Variants in MRGPRX2 observed in about 807,000 individuals in gnomAD.
MRGPRX2 encodes the protein mas-related G protein-coupled receptor member X2.
For synonymous variants in MRGPRX2, 183 were observed against 175.6 expected (o/e 1.04, Z -0.33); for missense variants, 389 against 404.5 (o/e 0.96, Z 0.33).
In MRGPRX2 at chr11:19,055,321, G is replaced by T; in HGVS notation, c.*89C>A. ...ACTCTCTTAACTGTTTTAAAATCAG[G>T]ACTGAGAAAGTTCAGCAAATCAGAC... On this transcript the variant is annotated 3_prime_UTR_variant, in exon 2 of 2. Coordinates refer to ENST00000329773, the MANE Select transcript of MRGPRX2 (RefSeq NM_054030.4). 7.4e-7 allele frequency: 1 copy of T among 1,356,748 alleles called. No individual in the cohort carries two copies. 84.0% of individuals were successfully genotyped at this position (1,356,748 alleles called of 1,614,324 possible). A position where few individuals can be genotyped will look rare whatever the true frequency, so the allele number is the denominator to read the frequency against.
chr11:19,059,604 A>C (rs1849650091), intron 1 of MRGPRX2, among the ~76,000 whole-genome samples: 1 of 152,122 alleles, frequency 6.6e-6, no homozygotes, highest in East Asian at 1.9e-4. Flanking sequence ...TGGGAAGGTC[A>C]AACAATTAAA....
At chr11:19,057,476 A>G (rs1484329220) in intron 1 of MRGPRX2, among the ~76,000 whole-genome samples, 1 of 152,190 alleles carries the variant, frequency 6.6e-6, no homozygotes, top group Non-Finnish European at 1.5e-5. Context: ...GCAGCAATTG[A>G]GAGTGTCTAG....
rs887878979 is a variant in MRGPRX2 at position 19,055,037 on chromosome 11, A to G, written c.*373T>C. Reference sequence around the variant, plus strand: ...TTTGTTGAGACAGAAATTGTACGGAAGAGAAAAAGAAATTAATTAAAAATA... The same window carrying G: ...TTTGTTGAGACAGAAATTGTACGGAGGAGAAAAAGAAATTAATTAAAAATA... On this transcript the variant is annotated 3_prime_UTR_variant, in exon 2 of 2. Transcript: ENST00000329773. The G allele has an allele frequency of 6.1e-6, 1 of 163,282 alleles. No homozygotes were observed. The highest frequency in any genetic ancestry group is 2.4e-5 in the African/African-American group (1 of 41,832). 10.1% of individuals were successfully genotyped at this position (163,282 alleles called of 1,614,324 possible). A position where few individuals can be genotyped will look rare whatever the true frequency, so the allele number is the denominator to read the frequency against.
At chr11:19,056,561 A>G in intron 1 of MRGPRX2, 134 bp from the exon 2 acceptor site, 2 of 882,048 alleles carry the variant, frequency 2.3e-6, no homozygotes, top group Non-Finnish European at 1.8e-6. Context: ...GTCATTTATT[A>G]AGGGCCAGGG....
At position 19,055,070 on chromosome 11, in the gene MRGPRX2, C is replaced by G. The variant is rs7126647; in HGVS notation, c.*340G>C. 56,751 of 194,490 alleles carry G rather than the reference C, an allele frequency of 0.29. 8,707 individuals carry two copies. Among genetic ancestry groups the G allele is most frequent in the African/African-American group, 0.4 (17,296 of 43,090 alleles). The allele number at this position is 194,490 out of a possible 1,614,324, so 12.0% of individuals were successfully genotyped here. On this transcript the variant is annotated 3_prime_UTR_variant, in exon 2 of 2. Transcript: ENST00000329773. ...AGAAATTAATTAAAAATATAACATT[C>G]TTTGAGTCCCTATCAAGTGCAGTGT...
chr11:19,059,229 C>T (rs1456338456), intron 1 of MRGPRX2, among the ~76,000 whole-genome samples: 1 of 152,138 alleles, frequency 6.6e-6, no homozygotes, highest in African/African-American at 2.4e-5. Flanking sequence ...GTGATATAAC[C>T]AGCTACTCCT....
At chr11:19,056,498 T>C in intron 1 of MRGPRX2, 71 bp from the exon 2 acceptor site, 2 of 1,426,318 alleles carry the variant, frequency 1.4e-6, no homozygotes, top group Non-Finnish European at 9.6e-7. Context: ...TGTTATGTGG[T>C]AATTACCGCC....
At chr11:19,059,739 G>T (rs1254101743) in intron 1 of MRGPRX2, among the ~76,000 whole-genome samples, 2 of 152,174 alleles carry the variant, frequency 1.3e-5, no homozygotes, top group African/African-American at 4.8e-5. Context: ...AGGATCTCAT[G>T]TCCATCCTTC....
chr11:19,059,767 C>T (rs1448424316), intron 1 of MRGPRX2, among the ~76,000 whole-genome samples: 2 of 152,194 alleles, frequency 1.3e-5, no homozygotes, highest in East Asian at 3.9e-4. Context: ...GCCTTTGCAT[C>T]CTGGGAGGAG....
In MRGPRX2 at chr11:19,055,866, C is replaced by G. The variant is rs1199913734; in HGVS notation, c.537G>C (p.Trp179Cys). The change falls in exon 2 of 2, where the codon TGG becomes TGC. Residue 179 changes from tryptophan (W) to cysteine (C), a missense_variant. Coordinates refer to ENST00000329773, the MANE Select transcript of MRGPRX2 (RefSeq NM_054030.4). ...CAGTGATGAAATCAAATGTCTGACA[C>G]CAACCAGAGTCACCATCACTAAATA... ...GFLFSDGDSG[W>C]CQTFDFITAA... 2.5e-6 allele frequency: 4 copies of G among 1,614,036 alleles called. No homozygotes were observed. Among genetic ancestry groups the G allele is most frequent in the Admixed American group, 3.3e-5 (2 of 60,008 alleles).
chr11:19,055,776 G>T lies in MRGPRX2; in HGVS notation c.627C>A (p.Ile209=). The change falls in exon 2 of 2, where the codon ATC becomes ATA. Residue 209 remains isoleucine (I), a synonymous_variant. Coordinates refer to ENST00000329773, the MANE Select transcript of MRGPRX2 (RefSeq NM_054030.4). ...CGSSLALLVR[I]LCGSRGLPLT... is the part of the protein sequence containing the mutation. ...GTGGCAGACCCCTGGAGCCACAGAG[G>T]ATCCTGACCAGCAGGGCCAGACTGG... 1.2e-6 allele frequency: 2 copies of T among 1,614,130 alleles called. No individual in the cohort carries two copies. The highest frequency in any genetic ancestry group is 1.6e-4 in the Middle Eastern group (1 of 6,062).
intron 1 of MRGPRX2, among the ~76,000 whole-genome samples, chr11:19,059,061 C>T (rs992118120): frequency 2.6e-5 from 4 of 152,268 alleles, no homozygotes; most frequent in East Asian, 1.9e-4. Flanking sequence ...AAAAGAGAAT[C>T]GGGCTATAGA....
Position 19,056,003 on chromosome 11 carries a change from G to GC in MRGPRX2, c.399dup (p.Pro134AlafsTer40), listed in dbSNP as rs1412410414. 6.2e-7 allele frequency: 1 copy of GC among 1,614,224 alleles called. No homozygotes were observed. Among genetic ancestry groups the GC allele is most frequent in the Non-Finnish European group, 8.5e-7 (1 of 1,180,046 alleles). Reference sequence around the variant, plus strand: ...GGGCGGCGGCAGCGATACCAGATGGGCCACAGGACGGACAGGCAGCGCTCG... The same window carrying GC: ...GGGCGGCGGCAGCGATACCAGATGGGCCCACAGGACGGACAGGCAGCGCTCG... On this transcript the variant is annotated frameshift_variant, in exon 2 of 2. Coordinates refer to ENST00000329773, the MANE Select transcript of MRGPRX2 (RefSeq NM_054030.4). LOFTEE classifies it low-confidence loss of function (END_TRUNC).
In MRGPRX2 at chr11:19,055,381, T is replaced by C; in HGVS notation, c.*29A>G. The C allele has an allele frequency of 6.4e-7, 1 of 1,573,708 alleles. No individual in the cohort carries two copies. The highest frequency in any genetic ancestry group is 8.6e-7 in the Non-Finnish European group (1 of 1,156,750). On this transcript the variant is annotated 3_prime_UTR_variant, in exon 2 of 2. Transcript: ENST00000329773. ...CAAAGTTGCCTCTCAAAGCCACATA[T>C]ATCTGATGGAAGTAGAGGCTGTCCA... is the stretch of plus-strand genomic sequence containing the variant.
In MRGPRX2 at chr11:19,060,084, T is replaced by C. The variant is rs988238592; in HGVS notation, c.-26+535A>G. Among the ~76,000 whole-genome samples, 57 of 152,188 alleles carry C rather than the reference T, an allele frequency of 3.7e-4. 1 individual carries two copies. The highest frequency in any genetic ancestry group is 5.9e-5 in the Non-Finnish European group (4 of 68,042). ...GAGTTCTCAGAACTTCTCTTTCTCC[T>C]TATCACTTCAGACCTAGCAACGGTA... On this transcript the variant is annotated intron_variant, in intron 1 of 1. Transcript: ENST00000329773.
In MRGPRX2 at chr11:19,055,404, C is replaced by G. The variant is rs767732810; in HGVS notation, c.*6G>C. 1 of 1,592,736 alleles carries G rather than the reference C, an allele frequency of 6.3e-7. No homozygotes were observed. The highest frequency in any genetic ancestry group is 1.1e-5 in the South Asian group (1 of 89,906). ...TATATCTGATGGAAGTAGAGGCTGT[C>G]CATCTCTACACCAGACTGCTTCTCG... is the stretch of plus-strand genomic sequence containing the variant. On this transcript the variant is annotated 3_prime_UTR_variant, in exon 2 of 2. Transcript: ENST00000329773.
intron 1 of MRGPRX2, 133 bp downstream of exon 1, chr11:19,060,486 C>T (rs1333469433): frequency 6.6e-6 from 1 of 152,220 alleles, no homozygotes; most frequent in Non-Finnish European, 1.5e-5. Flanking sequence ...CTCCCAGCAT[C>T]TAAGCTGCCA....
At position 19,055,636 on chromosome 11, in the gene MRGPRX2, A is replaced by G; in HGVS notation, c.767T>C (p.Leu256Ser). The stretch of plus-strand genomic sequence containing the variant: ...TGAAACTGGATGAATATGACAAAAT[A>G]AGACATCAGAATCCTTCCAGATCCA... ...ILWIWKDSDV[L>S]FCHIHPVSVV... is the part of the protein sequence containing the mutation. The change falls in exon 2 of 2, where the codon TTA (leucine) becomes TCA (serine). Residue 256 changes from leucine (L) to serine (S), a missense_variant. Transcript: ENST00000329773. 1 of 1,614,222 alleles carries G rather than the reference A, an allele frequency of 6.2e-7. No individual in the cohort carries two copies. Among genetic ancestry groups the G allele is most frequent in the Non-Finnish European group, 8.5e-7 (1 of 1,180,042 alleles).
At chr11:19,058,892 G>A (rs61885336) in intron 1 of MRGPRX2, among the ~76,000 whole-genome samples, 8,926 of 152,238 alleles carry the variant, frequency 0.059, 375 homozygotes, top group Non-Finnish European at 0.094. Flanking sequence ...CAGGCTTAAC[G>A]TGTACAAAAG....
Sources: allele counts gnomAD v4.1 joint callset (sites outside exome capture counted in the v4.1 genomes callset), GRCh38; gene constraint gnomAD v4.1.1; transcripts MANE v1.5; gene names NCBI Gene and HGNC (gene_info 2026-07-23, HGNC 2026-07-21).